The following MEGF11 variants were observed in gnomAD, a reference collection of about 807,000 sequenced individuals.
The protein encoded by MEGF11 is multiple EGF like domains 11.
MEGF11 carries 126 observed loss-of-function variants against 146.6 expected under a neutral mutation model. The ratio of observed to expected loss-of-function variants is 0.86; its 90% CI spans 0.74 to 1.00. The LOEUF (loss-of-function observed/expected upper bound fraction) is 1.00, where lower values mean the gene tolerates loss of function less well. MEGF11 is among the 50% of genes least tolerant of loss of function. MEGF11 has a pLI of 0.00. For synonymous variants in MEGF11, 532 were observed against 583.4 expected (o/e 0.91, Z 1.27); for missense variants, 1,509 against 1,521.2 (o/e 0.99, Z 0.13).
At chr15:65,960,467 G>A (rs964487214) in intron 9 of MEGF11, among the ~76,000 whole-genome samples, 2 of 152,242 alleles carry the variant, frequency 1.3e-5, no homozygotes, top group Non-Finnish European at 2.9e-5. Context: ...TGGTGGCCCT[G>A]ACGCTCTGCT....
intron 5 of MEGF11, among the ~76,000 whole-genome samples, chr15:66,062,949 G>A (rs770487583): frequency 3.3e-5 from 5 of 152,186 alleles, no homozygotes; most frequent in Non-Finnish European, 7.3e-5. Context: ...GAAAGTGATA[G>A]ACATTTTTGT....
At chr15:65,998,747 C>T (rs549458236) in intron 5 of MEGF11, among the ~76,000 whole-genome samples, 37 of 152,118 alleles carry the variant, frequency 2.4e-4, no homozygotes, top group African/African-American at 6.5e-4. Context: ...CTGATGGCCT[C>T]GTCAGTCACC....
chr15:66,132,074 A>G (rs2088669148), intron 1 of MEGF11, among the ~76,000 whole-genome samples: 1 of 152,206 alleles, frequency 6.6e-6, no homozygotes, highest in Non-Finnish European at 1.5e-5. Flanking sequence ...CATCATAGCA[A>G]ACGATCCCTC....
At chr15:66,141,740 TGGG>T (rs2089176645) in intron 1 of MEGF11, among the ~76,000 whole-genome samples, 1 of 152,126 alleles carries the variant, frequency 6.6e-6, no homozygotes, top group Non-Finnish European at 1.5e-5. Flanking sequence ...CCTCAGGAGA[TGGG>T]CTGCAGATGA....
chr15:66,245,346 G>A (rs879327637), intron 1 of MEGF11, among the ~76,000 whole-genome samples: 2 of 152,116 alleles, frequency 1.3e-5, no homozygotes, highest in Non-Finnish European at 2.9e-5. Context: ...CAATGTTTTA[G>A]GCCAGGCACA....
chr15:66,025,220 AAC>A (rs1184438498), intron 5 of MEGF11, among the ~76,000 whole-genome samples: 9 of 152,174 alleles, frequency 5.9e-5, no homozygotes, highest in African/African-American at 2.2e-4. Flanking sequence ...AGAAGGGGAA[AAC>A]ACACCCGCAT....
At position 65,915,387 on chromosome 15, in the gene MEGF11, T is replaced by C. The variant is rs1275401092; in HGVS notation, c.2473+83A>G. 11 of 1,524,566 alleles carry C rather than the reference T, an allele frequency of 7.2e-6. No individual in the cohort carries two copies. In the Admixed American group the frequency reaches 2.1e-4, roughly 29 times the overall value. 94.4% of individuals were successfully genotyped at this position (1,524,566 alleles called of 1,614,324 possible). On this transcript the variant is annotated intron_variant, in intron 19 of 25. Coordinates refer to ENST00000395614, the MANE Select transcript of MEGF11 (RefSeq NM_001385028.1). Reference sequence around the variant, plus strand: ...GTGAATAAAGGGAAGTATCATCAAATCCAGCTGTTCGAGTTGGAATCTCCC... The same window carrying C: ...GTGAATAAAGGGAAGTATCATCAAACCCAGCTGTTCGAGTTGGAATCTCCC...
chr15:66,076,194 C>A (rs950611901), intron 5 of MEGF11, among the ~76,000 whole-genome samples: 1 of 141,272 alleles, frequency 7.1e-6, no homozygotes, highest in East Asian at 2.0e-4. Flanking sequence ...AATGGTTGGA[C>A]TGACAGACAG....
chr15:66,002,996 CTTTT>C (rs1298031565), intron 5 of MEGF11, among the ~76,000 whole-genome samples: 1 of 118,890 alleles, frequency 8.4e-6, no homozygotes, highest in East Asian at 2.5e-4. Flanking sequence ...TTTCTTTTTT[CTTTT>C]TTTTTTTTGA....
intron 5 of MEGF11, among the ~76,000 whole-genome samples, chr15:66,019,711 G>A (rs1163342284): frequency 6.6e-6 from 1 of 152,252 alleles, no homozygotes; most frequent in Non-Finnish European, 1.5e-5. Flanking sequence ...CCTCGGGTAT[G>A]CGACCTCACT....
rs2080925744 is a variant in MEGF11, at chr15:65,963,146, G to A, written c.1112+1762C>T. 2.0e-5 allele frequency among the ~76,000 whole-genome samples: 3 copies of A among 152,176 alleles called. No homozygotes were observed. The South Asian group carries it at 6.2e-4, about 32-fold the overall frequency. ...CGGCATCAGCCTTGCTTCCTGTCTT[G>A]GAGAGGGTCCTCCCTCAGCTTCCCA... On this transcript the variant is annotated intron_variant, in intron 9 of 25. Coordinates refer to ENST00000395614, the MANE Select transcript of MEGF11 (RefSeq NM_001385028.1).
chr15:65,929,594 A>T (rs2079498343), intron 12 of MEGF11, 126 bp downstream of exon 12: 1 of 1,181,688 alleles, frequency 8.5e-7, no homozygotes, highest in Admixed American at 2.6e-5. Context: ...ACTGTGACCT[A>T]AATCCAAGTG....
At position 65,897,627 on chromosome 15, in the gene MEGF11, TAA is replaced by T. The variant is rs1491576215; in HGVS notation, c.*305_*306del. ...TGTTTTTAAAATATCACGTTTCAGA[TAA>T]ATATATATATATATATCAGCTATAT... On this transcript the variant is annotated 3_prime_UTR_variant, in exon 26 of 26. Transcript: ENST00000395614. 1.9e-5 allele frequency: 3 copies of T among 160,558 alleles called. No individual in the cohort carries two copies. Among genetic ancestry groups the T allele is most frequent in the Admixed American group, 6.8e-5 (1 of 14,698 alleles). 9.9% of individuals were successfully genotyped at this position (160,558 alleles called of 1,614,324 possible).
At chr15:65,912,042 A>G in intron 21 of MEGF11, 40 bp downstream of exon 21, 1 of 1,115,084 alleles carries the variant, frequency 9.0e-7, no homozygotes, top group Non-Finnish European at 1.1e-6. Context: ...GTTAAATGAG[A>G]GGGCAGTGAG....
chr15:65,934,239 T>G (rs1596864315), intron 10 of MEGF11, among the ~76,000 whole-genome samples: 1 of 151,830 alleles, frequency 6.6e-6, no homozygotes, highest in Middle Eastern at 3.4e-3. Flanking sequence ...CAAAGTGAGT[T>G]TTTGTTTGTT....
At chr15:66,225,274 C>G (rs1292726707) in intron 1 of MEGF11, among the ~76,000 whole-genome samples, 4 of 152,248 alleles carry the variant, frequency 2.6e-5, no homozygotes, top group African/African-American at 9.6e-5. Context: ...GAAGAGGCAG[C>G]AGCCCTGCCT....
At chr15:66,138,188 G>T (rs2088979057) in intron 1 of MEGF11, among the ~76,000 whole-genome samples, 1 of 152,090 alleles carries the variant, frequency 6.6e-6, no homozygotes, top group South Asian at 2.1e-4. Flanking sequence ...GCTCCTTAGG[G>T]CACATTTTCC....
chr15:66,060,736 TC>T (rs1421775669), intron 5 of MEGF11, among the ~76,000 whole-genome samples: 2 of 152,330 alleles, frequency 1.3e-5, no homozygotes, highest in Admixed American at 6.5e-5. Context: ...CATCTGTTCA[TC>T]CCGTGTCCTC....
rs1271781503 is a variant in MEGF11 at position 65,909,054 on chromosome 15, G to A, written c.2978C>T (p.Pro993Leu). 3.9e-6 allele frequency: 6 copies of A among 1,535,712 alleles called. No homozygotes were observed. In the East Asian group the frequency reaches 1.5e-4, roughly 38 times the overall value. Residue 993 changes from proline (P) to leucine (L), a missense_variant, in exon 23 of 26, where the codon CCC becomes CTC. Physicochemically the swap from Pro to Leu is moderately conservative, Grantham distance 98 (BLOSUM62 -3). Coordinates refer to ENST00000395614, the MANE Select transcript of MEGF11 (RefSeq NM_001385028.1). ...FYIELRHLSR[P>L]AEPHSPGACG... The stretch of plus-strand genomic sequence containing the variant: ...CTGACCTGGTGAGTGTGGCTCAGCG[G>A]GGCGGCTGAGGTGTCTAAGTTCAAT...
Sources: gnomAD v4.1 joint callset for allele counts (sites outside exome capture counted in the v4.1 genomes callset) on GRCh38, gnomAD v4.1.1 for gene constraint, MANE v1.5 for transcripts, NCBI Gene and HGNC (gene_info 2026-07-23, HGNC 2026-07-21) for gene names.